Variants in ANKRD45 observed in about 807,000 individuals in gnomAD.
ANKRD45 encodes the protein ankyrin repeat domain-containing protein 45.
ANKRD45 carries 21 observed loss-of-function variants against 28.1 expected under a neutral mutation model. That is an observed-to-expected ratio of 0.75 (90% CI 0.53 to 1.08). The LOEUF (loss-of-function observed/expected upper bound fraction) is 1.08. Among genes scored for constraint, ANKRD45 ranks in the 50% least tolerant of loss-of-function variants. The pLI, the probability that ANKRD45 is intolerant of heterozygous loss-of-function variation, is 0.00. For synonymous variants in ANKRD45, 86 were observed against 103.9 expected, an observed-to-expected ratio of 0.83 and a Z score of 1.05; for missense variants, 261 against 308.7, an observed-to-expected ratio of 0.85 and a Z score of 1.16.
intron 2 of ANKRD45, among the ~76,000 whole-genome samples, chr1:173,651,703 G>A (rs1030078959): frequency 1.6e-4 from 25 of 152,070 alleles, no homozygotes; most frequent in African/African-American, 2.9e-4. Flanking sequence ...CCATTTTCAC[G>A]ATATTGATTC....
chr1:173,650,333 C>T (rs144140715), intron 2 of ANKRD45, among the ~76,000 whole-genome samples: 5 of 152,168 alleles, frequency 3.3e-5, no homozygotes, highest in Non-Finnish European at 5.9e-5. Context: ...TCAATTCCCA[C>T]ATATGAGTGA....
the ANKRD45 span, among the ~76,000 whole-genome samples, chr1:173,685,962 G>T: frequency 6.6e-6 from 1 of 152,108 alleles, no homozygotes; most frequent in Non-Finnish European, 1.5e-5. Context: ...TACAAAAACC[G>T]GTTGGGGCAG....
At chr1:173,660,438 C>T (rs1669728904) in intron 1 of ANKRD45, among the ~76,000 whole-genome samples, 1 of 152,152 alleles carries the variant, frequency 6.6e-6, no homozygotes, top group South Asian at 2.1e-4. Flanking sequence ...AATGATATGC[C>T]ATATGGTAGG....
the ANKRD45 span, among the ~76,000 whole-genome samples, chr1:173,687,047 G>A: frequency 6.6e-6 from 1 of 152,030 alleles, no homozygotes; most frequent in Admixed American, 6.6e-5. Context: ...CTTAACTTTA[G>A]CCAATATGTT....
intron 1 of ANKRD45, among the ~76,000 whole-genome samples, chr1:173,660,294 C>T (rs981287164): frequency 5.3e-5 from 8 of 152,026 alleles, no homozygotes; most frequent in African/African-American, 9.7e-5. Flanking sequence ...CCCTTCATTA[C>T]GTACAAGAAT....
At chr1:173,610,427 A>G (rs1186074832) in intron 5 of ANKRD45, among the ~76,000 whole-genome samples, 2 of 152,182 alleles carry the variant, frequency 1.3e-5, no homozygotes, top group East Asian at 1.9e-4. Flanking sequence ...CCATATAATC[A>G]GTATTATTGT....
chr1:173,637,034 T>C, intron 3 of ANKRD45: 3 of 1,499,004 alleles, frequency 2.0e-6, no homozygotes, highest in East Asian at 4.9e-5. Flanking sequence ...CAGAAGATAC[T>C]AAATAAATGC....
In ANKRD45 at chr1:173,659,149, ACTTT is replaced by A; in HGVS notation, c.266_269del (p.Gln89LeufsTer3). ...ATTTTGCCAAAGCTCTAATCACGTC[ACTTT>A]GCCCAGCCATGCAAGCTGCATACAA... On this transcript the variant is annotated frameshift_variant, in exon 2 of 6. Transcript: ENST00000333279. LOFTEE classifies it high-confidence loss of function. 1 of 1,614,172 alleles carries A rather than the reference ACTTT, an allele frequency of 6.2e-7. No homozygotes were observed. Among genetic ancestry groups the A allele is most frequent in the Middle Eastern group, 1.6e-4 (1 of 6,062 alleles).
At chr1:173,694,959 A>G in the ANKRD45 span, among the ~76,000 whole-genome samples, 1 of 152,216 alleles carries the variant, frequency 6.6e-6, no homozygotes, top group Non-Finnish European at 1.5e-5. Flanking sequence ...TCTGAATTTA[A>G]AAGACATTTA....
At chr1:173,694,424 A>G in the ANKRD45 span, among the ~76,000 whole-genome samples, 3 of 152,054 alleles carry the variant, frequency 2.0e-5, no homozygotes, top group African/African-American at 7.2e-5. Context: ...TCAGTCTCCC[A>G]AAGTGCTGGG....
chr1:173,701,305 G>T, the ANKRD45 span, among the ~76,000 whole-genome samples: 1 of 152,082 alleles, frequency 6.6e-6, no homozygotes, highest in Admixed American at 6.5e-5. Flanking sequence ...TTGACCCAGG[G>T]ATCCCATTAC....
chr1:173,664,654 TATACA>T (rs758827750), intron 1 of ANKRD45, among the ~76,000 whole-genome samples: 1 of 152,208 alleles, frequency 6.6e-6, no homozygotes, highest in Non-Finnish European at 1.5e-5. Context: ...ATGTATAGTC[TATACA>T]ATACAACTTA....
chr1:173,714,706 C>G, the ANKRD45 span, among the ~76,000 whole-genome samples: 1 of 152,156 alleles, frequency 6.6e-6, no homozygotes, highest in African/African-American at 2.4e-5. Context: ...CTGGCGAAAA[C>G]AAAGAAGAAA....
At chr1:173,664,115 G>C (rs953673469) in intron 1 of ANKRD45, among the ~76,000 whole-genome samples, 1 of 152,108 alleles carries the variant, frequency 6.6e-6, no homozygotes, top group Non-Finnish European at 1.5e-5. Context: ...TAAGCACTAT[G>C]GAGACTATAC....
intron 2 of ANKRD45, 77 bp from the exon 3 acceptor site, chr1:173,647,090 A>G (rs1176094281): frequency 7.1e-7 from 1 of 1,398,866 alleles, no homozygotes; most frequent in Non-Finnish European, 9.9e-7. Flanking sequence ...GAAGATCATA[A>G]TGGTGATCAA....
intron 3 of ANKRD45, among the ~76,000 whole-genome samples, chr1:173,633,887 G>A (rs1251349952): frequency 6.6e-6 from 1 of 151,846 alleles, no homozygotes; most frequent in Non-Finnish European, 1.5e-5. Context: ...TGAAACTACT[G>A]TAAGAAAACA....
chr1:173,645,167 GTTAA>G (rs1411255535), intron 3 of ANKRD45, among the ~76,000 whole-genome samples: 1 of 152,206 alleles, frequency 6.6e-6, no homozygotes, highest in African/African-American at 2.4e-5. Context: ...CAAGTGGACA[GTTAA>G]TTATAAAAAT....
At chr1:173,644,572 G>A (rs1030276293) in intron 3 of ANKRD45, among the ~76,000 whole-genome samples, 1 of 152,140 alleles carries the variant, frequency 6.6e-6, no homozygotes, top group Non-Finnish European at 1.5e-5. Context: ...TGGATATTAT[G>A]AAGAAGGAAG....
chr1:173,610,690 G>A (rs758075049), intron 5 of ANKRD45, among the ~76,000 whole-genome samples: 6 of 151,826 alleles, frequency 4.0e-5, no homozygotes, highest in South Asian at 2.1e-4. Flanking sequence ...GGGAATAACC[G>A]TATATCCAAT....
Sources: allele counts gnomAD v4.1 joint callset (sites outside exome capture counted in the v4.1 genomes callset), GRCh38; gene constraint gnomAD v4.1.1; transcripts MANE v1.5; gene names NCBI Gene and HGNC (gene_info 2026-07-23, HGNC 2026-07-21).